The following ADGRV1 variants were observed in gnomAD, a reference collection of about 807,000 sequenced individuals.
ADGRV1 encodes the protein G-protein coupled receptor 98.
In ADGRV1, 359 loss-of-function variants were observed where a neutral mutation model predicts 596.2. That is an observed-to-expected ratio of 0.60 (90% CI 0.55 to 0.66). The LOEUF is 0.66. Among genes scored for constraint, ADGRV1 ranks in the 30% least tolerant of loss-of-function variants. The pLI is 0.00. For synonymous variants in ADGRV1, 2,681 were observed against 2,679.2 expected (o/e 1.00, Z -0.02); for missense variants, 7,274 against 7,575.6 (o/e 0.96, Z 1.48).
At chr5:91,129,372 G>A (rs1260377605) in intron 87 of ADGRV1, among the ~76,000 whole-genome samples, 1 of 152,114 alleles carries the variant, frequency 6.6e-6, no homozygotes, top group Non-Finnish European at 1.5e-5. Flanking sequence ...ATAATTACTT[G>A]CCCTTATTGT....
chr5:90,730,613 C>T (rs1027025787), intron 50 of ADGRV1, among the ~76,000 whole-genome samples: 1 of 152,082 alleles, frequency 6.6e-6, no homozygotes, highest in Non-Finnish European at 1.5e-5. Flanking sequence ...GAAACAAAGT[C>T]GATTGGAGAG....
intron 67 of ADGRV1, among the ~76,000 whole-genome samples, chr5:90,787,587 TTTC>T (rs1340486098): frequency 7.1e-6 from 1 of 141,394 alleles, no homozygotes; most frequent in Non-Finnish European, 1.6e-5. Flanking sequence ...TCTTTCTTTC[TTTC>T]TTTTTTTTTT....
Position 90,755,180 on chromosome 5 carries a change from T to G in ADGRV1, c.11575T>G (p.Leu3859Val). Residue 3859 changes from leucine (L) to valine (V), a missense_variant, in exon 55 of 90, where the codon TTG (leucine) becomes GTG (valine). Leu to Val is a conservative substitution (Grantham distance 32). Transcript: ENST00000405460. ...IKEAHAEVSI[L>V]PDDLPELEEG... ...AGAAGCTCATGCCGAAGTTTCCATT[T>G]TGCCGGTAAGTCAAGGCTGCAAAGA... 1.3e-6 allele frequency: 2 copies of G among 1,598,330 alleles called. No homozygotes were observed. Among genetic ancestry groups the G allele is most frequent in the African/African-American group, 2.7e-5 (2 of 74,702 alleles).
At chr5:90,651,024 G>T (rs115002957) in intron 17 of ADGRV1, among the ~76,000 whole-genome samples, 3 of 152,122 alleles carry the variant, frequency 2.0e-5, no homozygotes, top group Non-Finnish European at 4.4e-5. Flanking sequence ...AATATACTGT[G>T]CAAAGAACTG....
intron 86 of ADGRV1, among the ~76,000 whole-genome samples, chr5:91,081,340 A>G (rs1352546811): frequency 6.6e-6 from 1 of 152,124 alleles, no homozygotes; most frequent in East Asian, 1.9e-4. Context: ...GATGTCTCCC[A>G]TCATCTCATC....
At chr5:91,041,636 T>TAA (rs879488795) in intron 85 of ADGRV1, among the ~76,000 whole-genome samples, 2 of 142,626 alleles carry the variant, frequency 1.4e-5, no homozygotes, top group South Asian at 4.5e-4. Flanking sequence ...AAAGTATAAT[T>TAA]AAAAAAAAAA....
chr5:90,576,293 G>T (rs1410224128), intron 1 of ADGRV1, among the ~76,000 whole-genome samples: 3 of 150,728 alleles, frequency 2.0e-5, no homozygotes, highest in Non-Finnish European at 4.4e-5. Flanking sequence ...GCCCCAGTGT[G>T]TGATGTTCCC....
At chr5:90,913,735 T>TC (rs1207870573) in intron 83 of ADGRV1, among the ~76,000 whole-genome samples, 2 of 152,216 alleles carry the variant, frequency 1.3e-5, no homozygotes, top group African/African-American at 4.8e-5. Flanking sequence ...GTATGAAGTT[T>TC]CTTTCATAAA....
At chr5:90,797,909 T>A (rs1478468321) in intron 70 of ADGRV1, among the ~76,000 whole-genome samples, 1 of 152,142 alleles carries the variant, frequency 6.6e-6, no homozygotes, top group African/African-American at 2.4e-5. Context: ...TACCAGAATC[T>A]CTGGGACACA....
chr5:91,030,938 A>G (rs1449949350), intron 85 of ADGRV1: 1 of 876,414 alleles, frequency 1.1e-6, no homozygotes, highest in Non-Finnish European at 1.7e-6. Context: ...CAGAGTCCAT[A>G]TAGTACTGGC....
In ADGRV1 at chr5:90,802,826, C is replaced by A; in HGVS notation, c.14605C>A (p.Leu4869Ile). 6.2e-7 allele frequency: 1 copy of A among 1,611,822 alleles called. No individual in the cohort carries two copies. The highest frequency in any genetic ancestry group is 8.5e-7 in the Non-Finnish European group (1 of 1,179,012). Residue 4869 changes from leucine to isoleucine, a missense_variant, in exon 71 of 90, where the codon CTT (leucine) becomes ATT (isoleucine). Physicochemically the swap from Leu to Ile is conservative, Grantham distance 5. Around this residue, in one of 5 missense-constraint regions of ADGRV1, gnomAD observed 1,874 missense variants for 1,970.2 expected, o/e 0.95. Transcript: ENST00000405460. ...GGRFYGMPTILQEAKSAVLPV... is the reference protein window; with the variant it reads ...GGRFYGMPTIIQEAKSAVLPV... ...ACGTTTCTATGGAATGCCAACAATT[C>A]TTCAGGAAGCAAAATCTGCTGTCCT...
chr5:90,781,943 T>A (rs1219264952), intron 65 of ADGRV1, among the ~76,000 whole-genome samples: 1 of 152,092 alleles, frequency 6.6e-6, no homozygotes, highest in Non-Finnish European at 1.5e-5. Context: ...ATAATCATCT[T>A]TGAAATGAAT....
At chr5:90,579,518 G>C (rs1757696733) in intron 1 of ADGRV1, among the ~76,000 whole-genome samples, 1 of 152,014 alleles carries the variant, frequency 6.6e-6, no homozygotes. Context: ...GGAGTGCTTT[G>C]GTTCCAATTA....
intron 84 of ADGRV1, among the ~76,000 whole-genome samples, chr5:90,970,861 C>G (rs1440705390): frequency 6.6e-6 from 1 of 152,102 alleles, no homozygotes; most frequent in Non-Finnish European, 1.5e-5. Context: ...CGGAGAATGA[C>G]TTTGACAAGT....
At chr5:90,779,200 C>G (rs1317021552) in intron 64 of ADGRV1, 103 bp downstream of exon 64, 2 of 615,000 alleles carry the variant, frequency 3.3e-6, no homozygotes, top group Non-Finnish European at 5.6e-6. Flanking sequence ...GCAGTTCTTT[C>G]CCTACTCTTT....
chr5:90,754,335 A>G (rs1431949962), intron 54 of ADGRV1, among the ~76,000 whole-genome samples: 1 of 152,204 alleles, frequency 6.6e-6, no homozygotes, highest in African/African-American at 2.4e-5. Flanking sequence ...AATTATTCAT[A>G]TTAGCTGCTG....
intron 83 of ADGRV1, among the ~76,000 whole-genome samples, chr5:90,903,339 T>C (rs890049432): frequency 6.6e-6 from 1 of 152,108 alleles, no homozygotes. Flanking sequence ...GAGATAAATT[T>C]CTGATGTTTG....
At chr5:90,910,016 G>A (rs544669364) in intron 83 of ADGRV1, among the ~76,000 whole-genome samples, 36 of 152,334 alleles carry the variant, frequency 2.4e-4, no homozygotes, top group African/African-American at 2.9e-4. Context: ...TATGAACTCC[G>A]CGTCCTGGAG....
At chr5:90,691,120 C>T in intron 31 of ADGRV1, 79 bp downstream of exon 31, 1 of 1,530,498 alleles carries the variant, frequency 6.5e-7, no homozygotes, top group Middle Eastern at 1.7e-4. Flanking sequence ...GCCATTGTAA[C>T]ATTTTGGAGA....
Sources: gnomAD v4.1 joint callset for allele counts (sites outside exome capture counted in the v4.1 genomes callset) on GRCh38, gnomAD v4.1.1 for gene constraint, gnomAD v4.1.1 regional missense constraint, MANE v1.5 for transcripts, NCBI Gene and HGNC (gene_info 2026-07-23, HGNC 2026-07-21) for gene names.